The following CDK19 variants were observed in gnomAD, a reference collection of about 807,000 sequenced individuals.
CDK19 encodes the protein cyclin dependent kinase 19.
CDK19 carries 20 observed loss-of-function variants against 68.3 expected under a neutral mutation model. The ratio of observed to expected loss-of-function variants is 0.29; its 90% CI spans 0.21 to 0.43. The LOEUF is 0.43. Ranked by LOEUF, CDK19 falls within the 20% of genes least tolerant of loss-of-function variation. The probability of loss-of-function intolerance (pLI) is 1.00; values close to 1 mark genes in which losing one functional copy is unlikely to be tolerated. For synonymous variants in CDK19, 221 were observed against 222.8 expected (o/e 0.99, Z 0.07); for missense variants, 339 against 623.5 (o/e 0.54, Z 4.86).
chr6:110,760,829 G>C (rs1779181409), intron 1 of CDK19, among the ~76,000 whole-genome samples: 1 of 152,214 alleles, frequency 6.6e-6, no homozygotes, highest in Admixed American at 6.5e-5. Context: ...GGTAGACTAA[G>C]TAACTCGCTC....
At chr6:110,714,660 G>T (rs185000832) in intron 2 of CDK19, among the ~76,000 whole-genome samples, 2 of 149,324 alleles carry the variant, frequency 1.3e-5, no homozygotes, top group African/African-American at 4.9e-5. Context: ...AATTAATGAC[G>T]TTGAGCATCT....
chr6:110,729,576 A>G (rs1027723489), intron 2 of CDK19, among the ~76,000 whole-genome samples: 5 of 149,534 alleles, frequency 3.3e-5, no homozygotes, highest in African/African-American at 1.2e-4. Context: ...CTACAGGCAC[A>G]TGCCACCAGG....
chr6:110,748,980 T>C (rs1410348647), intron 1 of CDK19, among the ~76,000 whole-genome samples: 1 of 152,264 alleles, frequency 6.6e-6, no homozygotes, highest in Non-Finnish European at 1.5e-5. Context: ...TCCTTAAAAC[T>C]ATTTCATTTC....
intron 6 of CDK19, among the ~76,000 whole-genome samples, chr6:110,628,580 G>C (rs1276148940): frequency 1.3e-5 from 2 of 152,154 alleles, no homozygotes; most frequent in Non-Finnish European, 2.9e-5. Flanking sequence ...TGGGTTATTA[G>C]ATCAAAAAAA....
intron 1 of CDK19, among the ~76,000 whole-genome samples, chr6:110,761,995 T>C (rs981328313): frequency 6.6e-6 from 1 of 152,180 alleles, no homozygotes; most frequent in African/African-American, 2.4e-5. Flanking sequence ...CCTCAATTAC[T>C]GCTGCCCTGA....
chr6:110,677,426 C>T (rs1209513953), intron 2 of CDK19, among the ~76,000 whole-genome samples: 3 of 151,884 alleles, frequency 2.0e-5, no homozygotes, highest in South Asian at 4.2e-4. Flanking sequence ...ATTAGCTGGG[C>T]GTGGTGGTGG....
chr6:110,675,754 C>T (rs188358793), intron 2 of CDK19, among the ~76,000 whole-genome samples: 1 of 152,098 alleles, frequency 6.6e-6, no homozygotes. Flanking sequence ...TTTAAGCCCA[C>T]TATTCGGACT....
At chr6:110,790,498 A>T (rs1342328630) in intron 1 of CDK19, among the ~76,000 whole-genome samples, 2 of 151,982 alleles carry the variant, frequency 1.3e-5, no homozygotes, top group Admixed American at 1.3e-4. Flanking sequence ...TCACACCACT[A>T]CGCTCTAGCC....
intron 1 of CDK19, among the ~76,000 whole-genome samples, chr6:110,776,545 G>C (rs1780410852): frequency 6.6e-6 from 1 of 152,128 alleles, no homozygotes; most frequent in Non-Finnish European, 1.5e-5. Context: ...AAAGAGCCTA[G>C]AATAGTTAGT....
chr6:110,779,608 T>C (rs867630683), intron 1 of CDK19, among the ~76,000 whole-genome samples: 20 of 152,212 alleles, frequency 1.3e-4, no homozygotes, highest in African/African-American at 4.8e-4. Flanking sequence ...AGAGAAACAG[T>C]CATTCTTAAG....
chr6:110,666,960 T>A (rs1297982377), intron 4 of CDK19, among the ~76,000 whole-genome samples: 2 of 152,172 alleles, frequency 1.3e-5, no homozygotes, highest in Non-Finnish European at 2.9e-5. Context: ...GCCTAATAAG[T>A]ATATACCACC....
At chr6:110,798,955 C>G (rs866781813) in intron 1 of CDK19, among the ~76,000 whole-genome samples, 59 of 151,736 alleles carry the variant, frequency 3.9e-4, no homozygotes, top group African/African-American at 1.4e-3. Flanking sequence ...CCAGCCTGGG[C>G]AGCATGGCAA....
intron 1 of CDK19, among the ~76,000 whole-genome samples, chr6:110,809,980 T>C (rs1455929394): frequency 6.6e-6 from 1 of 152,138 alleles, no homozygotes; most frequent in African/African-American, 2.4e-5. Context: ...TATTGAAGTA[T>C]GAGTTTTACA....
intron 2 of CDK19, among the ~76,000 whole-genome samples, chr6:110,696,892 CT>C (rs1773530492): frequency 6.6e-6 from 1 of 152,018 alleles, no homozygotes; most frequent in African/African-American, 2.4e-5. Flanking sequence ...AACCCCGTCT[CT>C]TCTAAAAATA....
At chr6:110,693,000 A>AAAG in intron 2 of CDK19, among the ~76,000 whole-genome samples, 1 of 151,974 alleles carries the variant, frequency 6.6e-6, no homozygotes, top group East Asian at 1.9e-4. Flanking sequence ...CCATCTCAAA[A>AAAG]AATAATAATA....
chr6:110,747,248 C>G lies in CDK19; in HGVS notation c.129-1047G>C, dbSNP rs542295158. ...AGTTTAGGATGTTATTCAAAATCCA[C>G]ATTTTAAAACACCATTTTAAATCCC... is the stretch of plus-strand genomic sequence containing the variant. On this transcript the variant is annotated intron_variant, in intron 1 of 12. Transcript: ENST00000368911. Among the ~76,000 whole-genome samples, 67 of 152,264 alleles carry G rather than the reference C, an allele frequency of 4.4e-4. 1 individual carries two copies. The highest frequency in any genetic ancestry group is 1.5e-3 in the African/African-American group (64 of 41,554).
At chr6:110,628,393 A>T (rs1460848988) in intron 6 of CDK19, among the ~76,000 whole-genome samples, 1 of 152,208 alleles carries the variant, frequency 6.6e-6, no homozygotes, top group Non-Finnish European at 1.5e-5. Context: ...CTGCAGTTCG[A>T]AAATATTAAA....
rs1362455438 is a variant in CDK19, at chr6:110,815,277, C to T, written c.-141G>A. On this transcript the variant is annotated 5_prime_UTR_variant, in exon 1 of 13. Transcript: ENST00000368911. ...CGCGCGCCGCCCGCCGCCCGCCGCT[C>T]CGCGGTCCGCCTTCAGCAAGGGACT... The T allele has an allele frequency of 1.0e-6, 1 of 964,844 alleles. No homozygotes were observed. The highest frequency in any genetic ancestry group is 1.7e-5 in the African/African-American group (1 of 57,336). 59.8% of individuals were successfully genotyped at this position (964,844 alleles called of 1,614,324 possible). A position where few individuals can be genotyped will look rare whatever the true frequency, so the allele number is the denominator to read the frequency against.
rs1275389842 is a variant in CDK19, at chr6:110,759,428, A to AAAATAT, written c.129-13228_129-13227insATATTT. Among the ~76,000 whole-genome samples the AAAATAT allele has an allele frequency of 4.3e-4, 22 of 50,904 alleles. No homozygotes were observed. The East Asian group carries it at 9.1e-3, about 21-fold the overall frequency. The allele number at this position is 50,904 out of a possible 152,430, so 33.4% of individuals were successfully genotyped here. ...TTAAAAAAAAAAAAAAAAAAAAAAA[A>AAAATAT]ATATATATATATATATATATATAAA... On this transcript the variant is annotated intron_variant, in intron 1 of 12. Transcript: ENST00000368911.
Sources: allele counts gnomAD v4.1 joint callset (sites outside exome capture counted in the v4.1 genomes callset), GRCh38; gene constraint gnomAD v4.1.1; transcripts MANE v1.5; gene names NCBI Gene and HGNC (gene_info 2026-07-23, HGNC 2026-07-21).